Variants in KDM4C observed in about 807,000 individuals in gnomAD.
KDM4C encodes the protein lysine-specific demethylase 4C.
KDM4C carries 81 observed loss-of-function variants against 129.3 expected under a neutral mutation model. The ratio of observed to expected loss-of-function variants is 0.63; its 90% CI spans 0.52 to 0.75. KDM4C has a LOEUF of 0.75. Ranked by LOEUF, KDM4C falls within the 30% of genes least tolerant of loss-of-function variation. The probability of loss-of-function intolerance (pLI) is 0.00; values close to 1 mark genes in which losing one functional copy is unlikely to be tolerated. For missense variants in KDM4C, 1,457 were observed against 1,304.0 expected (o/e 1.12, Z -1.81); for synonymous variants, 573 against 456.1 (o/e 1.26, Z -3.26).
rs184119988 is a variant in KDM4C at position 6,960,188 on chromosome 9, G to C, written c.922-20737G>C. Among the ~76,000 whole-genome samples, 43 of 151,878 alleles carry C rather than the reference G, an allele frequency of 2.8e-4. 1 individual carries two copies. Among genetic ancestry groups the C allele is most frequent in the Non-Finnish European group, 5.9e-4 (40 of 68,002 alleles). ...TCCAGGGCAGAACTGCTGCAGTCCT[G>C]ATATTTATTACAGATGCATATACTG... On this transcript the variant is annotated intron_variant, in intron 8 of 21. Coordinates refer to ENST00000381309, the MANE Select transcript of KDM4C (RefSeq NM_015061.6).
chr9:6,940,375 C>T (rs17511250), intron 8 of KDM4C, among the ~76,000 whole-genome samples: 2 of 152,030 alleles, frequency 1.3e-5, no homozygotes, highest in Non-Finnish European at 2.9e-5. Flanking sequence ...GTTATTAGAG[C>T]TTCAAAATGT....
intron 19 of KDM4C, among the ~76,000 whole-genome samples, chr9:7,162,498 T>C (rs1241103610): frequency 6.6e-6 from 1 of 152,128 alleles, no homozygotes; most frequent in Non-Finnish European, 1.5e-5. Flanking sequence ...CCAAAAGGTT[T>C]TTGAAAAAAG....
intron 17 of KDM4C, among the ~76,000 whole-genome samples, chr9:7,074,400 C>T (rs1244152439): frequency 6.6e-6 from 1 of 151,992 alleles, no homozygotes; most frequent in African/African-American, 2.4e-5. Context: ...CTCCTGACCT[C>T]AAATGATCCA....
intron 8 of KDM4C, among the ~76,000 whole-genome samples, chr9:6,951,646 A>T (rs1236519446): frequency 2.0e-5 from 3 of 152,224 alleles, no homozygotes; most frequent in Non-Finnish European, 2.9e-5. Context: ...TTATAACAGG[A>T]CAATTACCCA....
chr9:6,754,139 G>A (rs898293496), upstream of KDM4C, among the ~76,000 whole-genome samples: 40 of 151,870 alleles, frequency 2.6e-4, no homozygotes, highest in African/African-American at 8.9e-4. Flanking sequence ...GCCTCCCAAA[G>A]TGTTGGGATT....
chr9:6,774,226 A>G lies in KDM4C; in HGVS notation c.-18+16023A>G, dbSNP rs141720109. Among the ~76,000 whole-genome samples, 221 of 152,278 alleles carry G rather than the reference A, an allele frequency of 1.5e-3. 1 individual carries two copies. Among genetic ancestry groups the G allele is most frequent in the African/African-American group, 5.0e-3 (209 of 41,558 alleles). On this transcript the variant is annotated intron_variant, in intron 1 of 21. Transcript: ENST00000381309. ...AAATTAATGTAACAAAATACAATGA[A>G]AAAACAGTCTACAGTCCTCTGTTGG...
chr9:6,844,184 T>C (rs72701441), intron 4 of KDM4C, among the ~76,000 whole-genome samples: 11,460 of 152,270 alleles, frequency 0.075, 618 homozygotes, highest in Non-Finnish European at 0.11. Flanking sequence ...TTTATAGTTT[T>C]ATAACGTTGG....
intron 4 of KDM4C, among the ~76,000 whole-genome samples, chr9:6,817,290 C>G (rs1015455006): frequency 9.4e-5 from 14 of 148,598 alleles, no homozygotes; most frequent in African/African-American, 3.0e-4. Context: ...CAGCCTTGAC[C>G]TCCTGGGTTC....
At chr9:7,004,477 G>T (rs1821292845) in intron 12 of KDM4C, among the ~76,000 whole-genome samples, 1 of 151,936 alleles carries the variant, frequency 6.6e-6, no homozygotes, top group African/African-American at 2.4e-5. Flanking sequence ...ATTTTTTATT[G>T]ATTATATTAT....
chr9:6,800,109 T>G (rs1828654085), intron 2 of KDM4C, among the ~76,000 whole-genome samples: 1 of 152,078 alleles, frequency 6.6e-6, no homozygotes, highest in African/African-American at 2.4e-5. Flanking sequence ...GACTCACGCC[T>G]GTAATCCCAG....
chr9:7,155,628 A>G (rs968868463), intron 19 of KDM4C, among the ~76,000 whole-genome samples: 1 of 151,992 alleles, frequency 6.6e-6, no homozygotes, highest in Non-Finnish European at 1.5e-5. Context: ...TGTCCTTGCG[A>G]TAGTTTGCTG....
At chr9:6,959,728 C>T (rs1829706337) in intron 8 of KDM4C, among the ~76,000 whole-genome samples, 1 of 152,068 alleles carries the variant, frequency 6.6e-6, no homozygotes, top group African/African-American at 2.4e-5. Flanking sequence ...TCTAGTTAGG[C>T]TACACGAATT....
At chr9:6,992,709 C>T (rs560571708) in intron 12 of KDM4C, among the ~76,000 whole-genome samples, 2 of 152,336 alleles carry the variant, frequency 1.3e-5, no homozygotes, top group South Asian at 4.1e-4. Context: ...GTTTTACTCA[C>T]TGGGAGCATA....
At chr9:6,777,260 A>G (rs1194813085) in intron 1 of KDM4C, among the ~76,000 whole-genome samples, 1 of 152,148 alleles carries the variant, frequency 6.6e-6, no homozygotes, top group Non-Finnish European at 1.5e-5. Flanking sequence ...TAAGCACCCA[A>G]AGCTCTCTAC....
rs1362467069 is a variant in KDM4C at position 6,793,192 on chromosome 9, TA to T, written c.144+61del. On this transcript the variant is annotated intron_variant, in intron 2 of 21. Transcript: ENST00000381309. ...TCACTTGGCCTTTAATTTATGTTCT[TA>T]GTTTTCACGATTTGGGACATTGTTT... The T allele has an allele frequency of 5.1e-6, 8 of 1,557,226 alleles. No homozygotes were observed. The Admixed American group carries it at 1.5e-4, about 28-fold the overall frequency.
At chr9:7,117,999 C>T (rs1443241181) in intron 18 of KDM4C, among the ~76,000 whole-genome samples, 1 of 152,180 alleles carries the variant, frequency 6.6e-6, no homozygotes, top group Non-Finnish European at 1.5e-5. Context: ...GAGAGGTTTA[C>T]ACATTAACAC....
At chr9:6,822,441 C>A (rs1173225949) in intron 4 of KDM4C, among the ~76,000 whole-genome samples, 1 of 152,158 alleles carries the variant, frequency 6.6e-6, no homozygotes, top group African/African-American at 2.4e-5. Context: ...TACATTGATT[C>A]ATTGCAAGAA....
chr9:6,988,339 C>G (rs1234879269), intron 11 of KDM4C, among the ~76,000 whole-genome samples: 1 of 152,042 alleles, frequency 6.6e-6, no homozygotes, highest in Non-Finnish European at 1.5e-5. Context: ...TCTCAGATTT[C>G]TTTGCTCTCA....
chr9:7,050,611 G>C (rs889818340), intron 17 of KDM4C, among the ~76,000 whole-genome samples: 2 of 151,954 alleles, frequency 1.3e-5, no homozygotes, highest in African/African-American at 4.8e-5. Context: ...GATTATAAAA[G>C]TAATAGATAT....
Sources: allele counts gnomAD v4.1 joint callset (sites outside exome capture counted in the v4.1 genomes callset), GRCh38; gene constraint gnomAD v4.1.1; transcripts MANE v1.5; gene names NCBI Gene and HGNC (gene_info 2026-07-23, HGNC 2026-07-21).